Variants in QPCT observed in about 807,000 individuals in gnomAD.
QPCT encodes the protein EC.
QPCT carries 44 observed loss-of-function variants against 43.4 expected under a neutral mutation model. That is an observed-to-expected ratio of 1.01 (90% CI 0.80 to 1.30). QPCT has a LOEUF of 1.30. Among genes scored for constraint, QPCT ranks in the 50% most tolerant of loss-of-function variants. The probability of loss-of-function intolerance (pLI) is 0.00; values close to 1 mark genes in which losing one functional copy is unlikely to be tolerated. For synonymous variants in QPCT, 168 were observed against 168.4 expected (o/e 1.00, Z 0.02); for missense variants, 526 against 436.5 (o/e 1.21, Z -1.83).
chr2:37,364,515 A>G (rs777535560), intron 3 of QPCT, among the ~76,000 whole-genome samples: 5 of 152,240 alleles, frequency 3.3e-5, no homozygotes, highest in African/African-American at 1.2e-4. Flanking sequence ...GTGAAGACAT[A>G]TTAGGCTCAA....
chr2:37,363,622 C>A (rs1192825219), intron 3 of QPCT, among the ~76,000 whole-genome samples: 1 of 146,272 alleles, frequency 6.8e-6, no homozygotes, highest in Non-Finnish European at 1.5e-5. Flanking sequence ...CAGAGTGAGA[C>A]CCTGTCTCTT....
intron 3 of QPCT, among the ~76,000 whole-genome samples, chr2:37,365,929 G>C (rs985223965): frequency 6.6e-6 from 1 of 152,246 alleles, no homozygotes; most frequent in Non-Finnish European, 1.5e-5. Context: ...AGGCCAGACA[G>C]TGTGGTTATA....
intron 4 of QPCT, among the ~76,000 whole-genome samples, chr2:37,369,261 A>C (rs1673025088): frequency 6.6e-6 from 1 of 152,242 alleles, no homozygotes; most frequent in South Asian, 2.1e-4. Context: ...ATAAATAGTT[A>C]CTGTCCAAGT....
At position 37,359,621 on chromosome 2, in the gene QPCT, C is replaced by G; in HGVS notation, c.309C>G (p.Val103=). 1 of 1,614,156 alleles carries G rather than the reference C, an allele frequency of 6.2e-7. No homozygotes were observed. Among genetic ancestry groups the G allele is most frequent in the Non-Finnish European group, 8.5e-7 (1 of 1,180,014 alleles). The change falls in exon 3 of 7, where the codon GTC becomes GTG. Residue 103 remains valine, a synonymous_variant. Transcript: ENST00000338415. ...QRIQRLQADW[V]LEIDTFLSQT... Reference sequence around the variant, plus strand: ...TTCAGAGGCTTCAGGCTGACTGGGTCTTGGAAATAGACACCTTCTTGAGTC... The same window carrying G: ...TTCAGAGGCTTCAGGCTGACTGGGTGTTGGAAATAGACACCTTCTTGAGTC...
chr2:37,355,504 G>C (rs1053216823), intron 2 of QPCT, among the ~76,000 whole-genome samples: 12 of 151,988 alleles, frequency 7.9e-5, no homozygotes, highest in Admixed American at 1.3e-4. Flanking sequence ...GGGTAAACTT[G>C]ATATAAAATT....
intron 5 of QPCT, among the ~76,000 whole-genome samples, chr2:37,371,563 A>G (rs939022451): frequency 6.6e-6 from 1 of 151,800 alleles, no homozygotes; most frequent in Non-Finnish European, 1.5e-5. Context: ...CATATTACAT[A>G]TGATTGATTA....
intron 3 of QPCT, among the ~76,000 whole-genome samples, chr2:37,360,741 T>A (rs1310808847): frequency 6.6e-6 from 1 of 152,198 alleles, no homozygotes; most frequent in Non-Finnish European, 1.5e-5. Context: ...GTTTATACCC[T>A]CTCAGTCTCC....
chr2:37,353,882 G>A (rs931985229), intron 2 of QPCT, among the ~76,000 whole-genome samples: 1 of 151,976 alleles, frequency 6.6e-6, no homozygotes, highest in Non-Finnish European at 1.5e-5. Context: ...TCTTCCTTTC[G>A]ATTTCAGAGT....
At chr2:37,368,315 T>TTCCCCC in intron 4 of QPCT, 1 of 107,286 alleles carries the variant, frequency 9.3e-6, no homozygotes, top group Non-Finnish European at 1.9e-5. Flanking sequence ...CCCTAATCCC[T>TTCCCCC]CCCCCGACCC....
intron 5 of QPCT, among the ~76,000 whole-genome samples, chr2:37,371,900 C>A (rs1345493939): frequency 6.6e-6 from 1 of 152,202 alleles, no homozygotes; most frequent in Non-Finnish European, 1.5e-5. Flanking sequence ...CTAGGTATCT[C>A]TTTCCCATAG....
chr2:37,354,986 A>G (rs1158388510), intron 2 of QPCT, among the ~76,000 whole-genome samples: 1 of 152,250 alleles, frequency 6.6e-6, no homozygotes, highest in Non-Finnish European at 1.5e-5. Flanking sequence ...TATATAGGAT[A>G]AATAATATAC....
intron 3 of QPCT, among the ~76,000 whole-genome samples, chr2:37,364,738 C>A (rs1359845519): frequency 6.6e-6 from 1 of 152,056 alleles, no homozygotes; most frequent in Non-Finnish European, 1.5e-5. Context: ...TCCGGGGGAA[C>A]CTCAGGAGAT....
At chr2:37,365,712 G>T (rs1357874355) in intron 3 of QPCT, among the ~76,000 whole-genome samples, 1 of 152,182 alleles carries the variant, frequency 6.6e-6, no homozygotes, top group African/African-American at 2.4e-5. Context: ...AGGATTTTGT[G>T]CATAAGCAGG....
At chr2:37,349,975 C>G (rs914830644) in intron 1 of QPCT, among the ~76,000 whole-genome samples, 19 of 152,122 alleles carry the variant, frequency 1.2e-4, no homozygotes, top group African/African-American at 4.6e-4. Context: ...CCTGTGTGGC[C>G]TGTGTGGGAG....
In QPCT at chr2:37,347,194, C is replaced by CATATATATAACATATATATATAACAT. The variant is rs1558599481; in HGVS notation, c.120+2352_120+2353insACATATATATATAACATATATATATA. On this transcript the variant is annotated intron_variant, in intron 1 of 6. Transcript: ENST00000338415. ...ATATATATATAACATATATATATAA[C>CATATATATAACATATATATATAACAT]ATATATATATAACATATATATAACA... Among the ~76,000 whole-genome samples the CATATATATAACATATATATATAACAT allele has an allele frequency of 1.1e-3, 55 of 48,800 alleles. 7 individuals are homozygous for CATATATATAACATATATATATAACAT. Among genetic ancestry groups the CATATATATAACATATATATATAACAT allele is most frequent in the African/African-American group, 4.8e-3 (51 of 10,618 alleles). The allele number at this position is 48,800 out of a possible 152,430, so 32.0% of individuals were successfully genotyped here. A position where few individuals can be genotyped will look rare whatever the true frequency, so the allele number is the denominator to read the frequency against.
chr2:37,372,622 C>A, intron 6 of QPCT, 60 bp from the exon 7 acceptor site: 1 of 1,558,418 alleles, frequency 6.4e-7, no homozygotes, highest in Non-Finnish European at 8.8e-7. Flanking sequence ...GAAGAATGAC[C>A]CTTTCTAGTT....
chr2:37,365,920 G>C (rs1157374317), intron 3 of QPCT, among the ~76,000 whole-genome samples: 1 of 152,200 alleles, frequency 6.6e-6, no homozygotes, highest in East Asian at 1.9e-4. Flanking sequence ...CTTTAAGCAA[G>C]GCCAGACAGT....
At chr2:37,350,387 T>G (rs1212443023) in intron 1 of QPCT, among the ~76,000 whole-genome samples, 1 of 152,208 alleles carries the variant, frequency 6.6e-6, no homozygotes, top group Admixed American at 6.5e-5. Context: ...AGCTTCAGCT[T>G]TCTTTTCCAA....
At chr2:37,370,177 G>A (rs1391986188) in intron 5 of QPCT, among the ~76,000 whole-genome samples, 2 of 151,742 alleles carry the variant, frequency 1.3e-5, no homozygotes, top group Non-Finnish European at 2.9e-5. Flanking sequence ...AGGGTGAGGC[G>A]CCATCTCAAA....
Sources: gnomAD v4.1 joint callset for allele counts (sites outside exome capture counted in the v4.1 genomes callset) on GRCh38, gnomAD v4.1.1 for gene constraint, MANE v1.5 for transcripts, NCBI Gene and HGNC (gene_info 2026-07-23, HGNC 2026-07-21) for gene names.